GAD2: variants seen among roughly 807,000 people sequenced by gnomAD.
GAD2 encodes glutamate decarboxylase 2.
GAD2 carries 22 observed loss-of-function variants against 80.1 expected under a neutral mutation model. That is an observed-to-expected ratio of 0.27 (90% confidence interval 0.20 to 0.39). The LOEUF is 0.39. Among genes scored for constraint, GAD2 ranks in the 10% least tolerant of loss-of-function variants. The pLI is 1.00. For synonymous variants in GAD2, 274 were observed against 256.9 expected, an observed-to-expected ratio of 1.07 and a Z score of -0.64; for missense variants, 624 against 738.4, an observed-to-expected ratio of 0.85 and a Z score of 1.80.
chr10:26,278,815 G>C (rs904517359), intron 11 of GAD2, among the ~76,000 whole-genome samples: 1 of 151,720 alleles, frequency 6.6e-6, no homozygotes, highest in Non-Finnish European at 1.5e-5. Context: ...TAGACTATTC[G>C]TTGGCCCAGA....
intron 8 of GAD2, among the ~76,000 whole-genome samples, chr10:26,268,374 A>G (rs918903385): frequency 3.3e-5 from 5 of 151,504 alleles, no homozygotes; most frequent in Non-Finnish European, 7.4e-5. Context: ...AGGCTGAGGC[A>G]GGAGAATGGT....
chr10:26,291,323 T>C (rs1447255405), intron 13 of GAD2, among the ~76,000 whole-genome samples: 1 of 152,178 alleles, frequency 6.6e-6, no homozygotes, highest in Non-Finnish European at 1.5e-5. Context: ...AGAGAGCTCC[T>C]GGTATGGGTG....
At chr10:26,271,744 C>G (rs949006129) in intron 10 of GAD2, among the ~76,000 whole-genome samples, 1 of 151,952 alleles carries the variant, frequency 6.6e-6, no homozygotes, top group Non-Finnish European at 1.5e-5. Flanking sequence ...AATAATTATT[C>G]AGACCAAATT....
intron 6 of GAD2, among the ~76,000 whole-genome samples, chr10:26,227,111 G>A (rs1190957551): frequency 6.6e-6 from 1 of 152,164 alleles, no homozygotes; most frequent in Non-Finnish European, 1.5e-5. Context: ...TTATGCCTTA[G>A]CCTCTAGAGT....
Position 26,223,867 on chromosome 10 carries a change from TG to T in GAD2, c.521-18del. Reference sequence around the variant, plus strand: ...TTTTCACTGGAGGCAATCCTGATTCTGGTATTCCATTTTATTCAGGGCATCC... The same window carrying T: ...TTTTCACTGGAGGCAATCCTGATTCTGTATTCCATTTTATTCAGGGCATCC... On this transcript the variant is annotated intron_variant, in intron 4 of 15. Transcript: ENST00000376261. 1 of 1,510,106 alleles carries T rather than the reference TG, an allele frequency of 6.6e-7. No individual in the cohort carries two copies. The highest frequency in any genetic ancestry group is 9.1e-7 in the Non-Finnish European group (1 of 1,098,332). 93.5% of individuals were successfully genotyped at this position (1,510,106 alleles called of 1,614,324 possible). A position where few individuals can be genotyped will look rare whatever the true frequency, so the allele number is the denominator to read the frequency against.
Position 26,217,806 on chromosome 10 carries a change from G to A in GAD2, c.137-36G>A. On this transcript the variant is annotated intron_variant, in intron 2 of 15. Coordinates refer to ENST00000376261, the MANE Select transcript of GAD2 (RefSeq NM_001134366.2). The surrounding 1 kb of genome is among the most constrained non-coding windows in gnomAD (Gnocchi z 4.9). ...GAGCGAGGGAGCCGGGCCCGGCGGA[G>A]GATTGACGAGGCCCGCGTTCGGTGT... is the stretch of plus-strand genomic sequence containing the variant. The A allele has an allele frequency of 1.3e-6, 2 of 1,585,028 alleles. No individual in the cohort carries two copies. The highest frequency in any genetic ancestry group is 1.7e-6 in the Non-Finnish European group (2 of 1,165,090).
chr10:26,299,490 G>A (rs1834307457), intron 15 of GAD2, among the ~76,000 whole-genome samples: 1 of 152,192 alleles, frequency 6.6e-6, no homozygotes, highest in Non-Finnish European at 1.5e-5. Context: ...TATGTGGATA[G>A]ACTGTATGTA....
At chr10:26,278,940 C>G (rs910898679) in intron 11 of GAD2, among the ~76,000 whole-genome samples, 1 of 151,912 alleles carries the variant, frequency 6.6e-6, no homozygotes, top group African/African-American at 2.4e-5. Flanking sequence ...CCATCACACC[C>G]GAGAGGTGGG....
At chr10:26,266,645 A>G (rs1303837074) in intron 8 of GAD2, among the ~76,000 whole-genome samples, 1 of 152,114 alleles carries the variant, frequency 6.6e-6, no homozygotes, top group Non-Finnish European at 1.5e-5. Context: ...ATTCCTTTCC[A>G]ATCTGCCAGA....
chr10:26,238,201 T>C (rs766801590), intron 7 of GAD2, among the ~76,000 whole-genome samples: 1 of 152,134 alleles, frequency 6.6e-6, no homozygotes, highest in Non-Finnish European at 1.5e-5. Context: ...AAATGATATG[T>C]AAGGCACCTC....
intron 6 of GAD2, 112 bp downstream of exon 6, chr10:26,224,763 C>T (rs1844500079): frequency 4.2e-6 from 3 of 714,090 alleles, no homozygotes; most frequent in Admixed American, 5.4e-5. Context: ...GTTAAATAGA[C>T]TGTGTGTTGA....
rs1480125369 is a variant in GAD2 at position 26,216,778 on chromosome 10, T to C, written c.-32T>C. On this transcript the variant is annotated 5_prime_UTR_variant, in exon 1 of 16. Transcript: ENST00000376261. This position sits in a 1 kb window ranked among gnomAD's most constrained non-coding sequence, Gnocchi z 4.7. ...GAGGCAGCTCGCCCGCAGCTCGCAC[T>C]CGCAGGCGACCTGCTCCAGTCTCCA... is the stretch of plus-strand genomic sequence containing the variant. The C allele has an allele frequency of 6.9e-6, 11 of 1,591,268 alleles. No homozygotes were observed. The highest frequency in any genetic ancestry group is 9.4e-6 in the Non-Finnish European group (11 of 1,166,664).
intron 7 of GAD2, among the ~76,000 whole-genome samples, chr10:26,237,373 C>T (rs1440115773): frequency 2.6e-5 from 4 of 152,186 alleles, no homozygotes; most frequent in African/African-American, 9.6e-5. Flanking sequence ...CCTTCGTCTC[C>T]TCCTCATCTG....
chr10:26,243,318 G>A (rs528534882), intron 7 of GAD2, among the ~76,000 whole-genome samples: 1 of 152,272 alleles, frequency 6.6e-6, no homozygotes, highest in Non-Finnish European at 1.5e-5. Context: ...AAAAATACAT[G>A]TGTTAAGAGT....
chr10:26,290,997 C>T (rs942682134), intron 13 of GAD2, among the ~76,000 whole-genome samples: 1 of 152,186 alleles, frequency 6.6e-6, no homozygotes, highest in Non-Finnish European at 1.5e-5. Context: ...ACCAGGGGAA[C>T]CAGAGGTCTT....
At chr10:26,294,402 A>G (rs973393571) in intron 15 of GAD2, among the ~76,000 whole-genome samples, 1 of 152,254 alleles carries the variant, frequency 6.6e-6, no homozygotes, top group African/African-American at 2.4e-5. Flanking sequence ...GGAAACTTCC[A>G]TATGGCTGAG....
In GAD2 at chr10:26,273,707, T is replaced by A. The variant is rs887790547; in HGVS notation, c.1157+7T>A. 1 of 1,611,588 alleles carries A rather than the reference T, an allele frequency of 6.2e-7. No homozygotes were observed. Among genetic ancestry groups the A allele is most frequent in the Non-Finnish European group, 8.5e-7 (1 of 1,178,192 alleles). Reference sequence around the variant, plus strand: ...AACTGAGTGGCGTGGAGAGGTATGTTGCATTTTTCTTATTAACAACATAAA... The same window carrying A: ...AACTGAGTGGCGTGGAGAGGTATGTAGCATTTTTCTTATTAACAACATAAA... On this transcript the variant is annotated splice_region_variant and intron_variant, in intron 11 of 15. Coordinates refer to ENST00000376261, the MANE Select transcript of GAD2 (RefSeq NM_001134366.2).
At chr10:26,236,383 C>T (rs142540101) in intron 7 of GAD2, among the ~76,000 whole-genome samples, 1,975 of 151,822 alleles carry the variant, frequency 0.013, 19 homozygotes, top group Middle Eastern at 0.024. Flanking sequence ...TCACTGCAAC[C>T]TCCGCCTCCC....
chr10:26,271,869 C>T (rs1845141938), intron 10 of GAD2, among the ~76,000 whole-genome samples: 1 of 152,170 alleles, frequency 6.6e-6, no homozygotes, highest in Non-Finnish European at 1.5e-5. Flanking sequence ...AAGCAATTCT[C>T]CTGCCTCAGC....
Sources: allele counts gnomAD v4.1 joint callset (sites outside exome capture counted in the v4.1 genomes callset), GRCh38; gene constraint gnomAD v4.1.1; non-coding constraint Gnocchi (gnomAD v3.1); transcripts MANE v1.5; gene names NCBI Gene and HGNC (gene_info 2026-07-23, HGNC 2026-07-21).